The following CNTN4 variants were observed in gnomAD, a reference collection of about 807,000 sequenced individuals.
CNTN4 encodes contactin 4.
CNTN4 carries 77 observed loss-of-function variants against 122.5 expected under a neutral mutation model. The observed-to-expected ratio is 0.63, with a 90% CI of 0.52 to 0.76. CNTN4 has a LOEUF of 0.76. Among genes scored for constraint, CNTN4 ranks in the 30% least tolerant of loss-of-function variants. The probability of loss-of-function intolerance (pLI) is 0.00; values close to 1 mark genes in which losing one functional copy is unlikely to be tolerated. For synonymous variants in CNTN4, 512 were observed against 447.0 expected (o/e 1.15, Z -1.83); for missense variants, 1,256 against 1,259.1 (o/e 1.00, Z 0.04).
At chr3:2,897,323 TAGA>T (rs944876427) in intron 10 of CNTN4, among the ~76,000 whole-genome samples, 2 of 152,182 alleles carry the variant, frequency 1.3e-5, no homozygotes, top group South Asian at 2.1e-4. Context: ...TAAGGAGTCC[TAGA>T]AGAATTCTTT....
At chr3:2,287,028 C>T (rs1053101144) in intron 2 of CNTN4, among the ~76,000 whole-genome samples, 2 of 152,060 alleles carry the variant, frequency 1.3e-5, no homozygotes, top group African/African-American at 2.4e-5. Context: ...CAAACATTCC[C>T]CTAAAAATGT....
chr3:2,776,814 C>A (rs1289995363), intron 6 of CNTN4, among the ~76,000 whole-genome samples: 2 of 152,108 alleles, frequency 1.3e-5, no homozygotes, highest in African/African-American at 4.8e-5. Context: ...TCCTCAGTTA[C>A]AAATGTGGGC....
Position 2,805,280 on chromosome 3 carries a change from C to T in CNTN4, c.359-14206C>T, listed in dbSNP as rs541199692. Among the ~76,000 whole-genome samples the T allele has an allele frequency of 6.8e-4, 104 of 152,008 alleles. 1 individual carries two copies. The highest frequency in any genetic ancestry group is 1.1e-3 in the Non-Finnish European group (73 of 68,002). ...TGTGGCAATTCAAGTGCCACATGAG[C>T]TTTGTAGCTGTAAAGTTTCTTGTGA... On this transcript the variant is annotated intron_variant, in intron 6 of 24. Transcript: ENST00000418658.
intron 12 of CNTN4, among the ~76,000 whole-genome samples, chr3:2,917,126 C>T (rs1054198955): frequency 7.2e-6 from 1 of 138,646 alleles, no homozygotes; most frequent in Non-Finnish European, 1.5e-5. Context: ...ACGGCGAAAC[C>T]CCGTCTCCAC....
At chr3:2,913,640 A>T (rs1251335035) in intron 12 of CNTN4, among the ~76,000 whole-genome samples, 2 of 152,224 alleles carry the variant, frequency 1.3e-5, no homozygotes, top group Admixed American at 6.5e-5. Context: ...TATGCACCTA[A>T]TATTAGAACT....
intron 3 of CNTN4, among the ~76,000 whole-genome samples, chr3:2,390,215 A>AGTGTGTGTGT (rs142190283): frequency 0.013 from 1,943 of 144,868 alleles, 32 homozygotes; most frequent in African/African-American, 0.042. Flanking sequence ...AGGAAAAAAG[A>AGTGTGTGTGT]GTGTGTGTGT....
At chr3:2,472,297 A>G (rs968295056) in intron 3 of CNTN4, among the ~76,000 whole-genome samples, 3 of 152,138 alleles carry the variant, frequency 2.0e-5, no homozygotes, top group Admixed American at 6.5e-5. Context: ...CTGTAGTGCA[A>G]TGGCCCCATC....
intron 14 of CNTN4, among the ~76,000 whole-genome samples, chr3:3,023,564 G>C (rs546652031): frequency 1.3e-5 from 2 of 152,158 alleles, no homozygotes; most frequent in Non-Finnish European, 2.9e-5. Flanking sequence ...CTTGCTGCTA[G>C]CCCAAAAGTT....
intron 18 of CNTN4, among the ~76,000 whole-genome samples, chr3:3,038,531 AGCTTGTAAGCTCTGCCTG>A (rs1409134390): frequency 6.6e-6 from 1 of 152,004 alleles, no homozygotes; most frequent in Non-Finnish European, 1.5e-5. Context: ...CACTCCAACC[AGCTTGTAAGCTCTGCCTG>A]GGCAGAGCTT....
chr3:2,431,595 C>T (rs1479358378), intron 3 of CNTN4, among the ~76,000 whole-genome samples: 1 of 152,038 alleles, frequency 6.6e-6, no homozygotes, highest in Non-Finnish European at 1.5e-5. Context: ...ATAATTAATC[C>T]AATCAACTCA....
chr3:2,240,372 A>G (rs1559370773), intron 2 of CNTN4, among the ~76,000 whole-genome samples: 1 of 152,158 alleles, frequency 6.6e-6, no homozygotes, highest in African/African-American at 2.4e-5. Context: ...CTTAGTTTGC[A>G]TTAAATGCTC....
intron 3 of CNTN4, among the ~76,000 whole-genome samples, chr3:2,545,068 G>T (rs781327391): frequency 1.3e-5 from 2 of 151,942 alleles, no homozygotes; most frequent in African/African-American, 4.8e-5. Context: ...GCGTTATGTT[G>T]TATCTTTGTT....
rs2086977656 is a variant in CNTN4 at position 2,709,477 on chromosome 3, CCTAATCCCCGCAATTA to C, written c.56-26736_56-26721del. ...CAATGGGGGATGGGAACTACTGAAACCTAATCCCCGCAATTACAGGGTTTTATATCGTTTGCCTCAG... is the reference window on the plus strand; with the variant it reads ...CAATGGGGGATGGGAACTACTGAAACCAGGGTTTTATATCGTTTGCCTCAG... On this transcript the variant is annotated intron_variant, in intron 4 of 24. Transcript: ENST00000418658. The surrounding 1 kb of genome is among the most constrained non-coding windows in gnomAD (Gnocchi z 5.0). Among the ~76,000 whole-genome samples, 1 of 152,106 alleles carries C rather than the reference CCTAATCCCCGCAATTA, an allele frequency of 6.6e-6. No individual in the cohort carries two copies. Among genetic ancestry groups the C allele is most frequent in the Non-Finnish European group, 1.5e-5 (1 of 68,018 alleles).
intron 4 of CNTN4, among the ~76,000 whole-genome samples, chr3:2,609,681 T>C (rs2081400501): frequency 6.6e-6 from 1 of 152,132 alleles, no homozygotes; most frequent in Non-Finnish European, 1.5e-5. Context: ...ATAAAGAAAA[T>C]ATACCTTTGA....
chr3:2,738,552 T>C (rs1402268035), intron 5 of CNTN4, among the ~76,000 whole-genome samples: 1 of 151,990 alleles, frequency 6.6e-6, no homozygotes, highest in Non-Finnish European at 1.5e-5. Context: ...GTAAAGCAAA[T>C]GGTAAATGTT....
At chr3:2,374,984 A>G (rs370231820) in intron 3 of CNTN4, among the ~76,000 whole-genome samples, 2 of 152,200 alleles carry the variant, frequency 1.3e-5, no homozygotes, top group African/African-American at 2.4e-5. Flanking sequence ...CAAAGTCCCA[A>G]TCCACTGATT....
chr3:2,373,285 G>T (rs1218237711), intron 3 of CNTN4, among the ~76,000 whole-genome samples: 3 of 152,186 alleles, frequency 2.0e-5, no homozygotes, highest in Admixed American at 2.0e-4. Context: ...TGGGCAGGAG[G>T]AGGTAGTGGC....
At chr3:2,632,090 G>GTA (rs777417001) in intron 4 of CNTN4, among the ~76,000 whole-genome samples, 1 of 147,350 alleles carries the variant, frequency 6.8e-6, no homozygotes, top group Non-Finnish European at 1.5e-5. Context: ...ACACACGTGT[G>GTA]TGTATGTATG....
At chr3:2,621,315 T>A (rs1043936056) in intron 4 of CNTN4, among the ~76,000 whole-genome samples, 8 of 152,218 alleles carry the variant, frequency 5.3e-5, no homozygotes, top group African/African-American at 1.7e-4. Context: ...TTTATTCTAA[T>A]CGTCAGATGT....
Sources: gnomAD v4.1 joint callset for allele counts (sites outside exome capture counted in the v4.1 genomes callset) on GRCh38, gnomAD v4.1.1 for gene constraint, Gnocchi (gnomAD v3.1) non-coding constraint, MANE v1.5 for transcripts, NCBI Gene and HGNC (gene_info 2026-07-23, HGNC 2026-07-21) for gene names.